The following SDK1 variants were observed in gnomAD, a reference collection of about 807,000 sequenced individuals.
SDK1 encodes the protein protein sidekick-1.
Under a neutral mutation model 245.5 loss-of-function variants are expected in SDK1, and 157 were observed. The observed-to-expected ratio is 0.64, with a 90% CI of 0.56 to 0.73. SDK1 has a LOEUF of 0.73. SDK1 is among the 30% of genes least tolerant of loss of function. The pLI, the probability that SDK1 is intolerant of heterozygous loss-of-function variation, is 0.00. For synonymous variants in SDK1, 1,647 were observed against 1,278.5 expected, an observed-to-expected ratio of 1.29 and a Z score of -6.15; for missense variants, 3,583 against 3,002.3, an observed-to-expected ratio of 1.19 and a Z score of -4.52.
At chr7:3,606,885 C>G (rs998383929) in intron 1 of SDK1, among the ~76,000 whole-genome samples, 2 of 151,706 alleles carry the variant, frequency 1.3e-5, no homozygotes, top group Non-Finnish European at 2.9e-5. Context: ...AATAACACAA[C>G]TTATGAAAAA....
chr7:3,556,418 GTGC>G (rs1276015671), intron 1 of SDK1, among the ~76,000 whole-genome samples: 2 of 152,088 alleles, frequency 1.3e-5, no homozygotes, highest in Non-Finnish European at 2.9e-5. Flanking sequence ...GTTGGTGGGG[GTGC>G]AGCAAGTAGG....
Position 3,376,772 on chromosome 7 carries a change from C to G in SDK1, c.298+74888C>G, listed in dbSNP as rs907579173. Among the ~76,000 whole-genome samples, 17 of 152,120 alleles carry G rather than the reference C, an allele frequency of 1.1e-4. 1 individual carries two copies. Among genetic ancestry groups the G allele is most frequent in the Non-Finnish European group, 1.5e-5 (1 of 68,024 alleles). ...GTAAATTTATGCTAAGGTAATCGGA[C>G]ACACACAGAAAGATGTGTATACTGT... On this transcript the variant is annotated intron_variant, in intron 1 of 44. Coordinates refer to ENST00000404826, the MANE Select transcript of SDK1 (RefSeq NM_152744.4).
intron 44 of SDK1, among the ~76,000 whole-genome samples, chr7:4,264,199 T>C: frequency 1.7e-5 from 1 of 60,178 alleles, no homozygotes; most frequent in Non-Finnish European, 3.3e-5. Flanking sequence ...CGTAGACCTC[T>C]CCTGAGTGGG....
Position 4,119,102 on chromosome 7 carries a change from TA to T in SDK1, c.3823+4837del, listed in dbSNP as rs538690613. Among the ~76,000 whole-genome samples the T allele has an allele frequency of 2.3e-4, 34 of 146,698 alleles. 3 individuals carry two copies. The highest frequency in any genetic ancestry group is 3.3e-4 in the Non-Finnish European group (22 of 65,864). ...TATTAATAATCTCACAATAAGGCTTTAAAAAAAAAGCTCAGCCTTCCTGAGA... is the reference window on the plus strand; with the variant it reads ...TATTAATAATCTCACAATAAGGCTTTAAAAAAAAGCTCAGCCTTCCTGAGA... On this transcript the variant is annotated intron_variant, in intron 25 of 44. Coordinates refer to ENST00000404826, the MANE Select transcript of SDK1 (RefSeq NM_152744.4).
At chr7:3,452,966 C>T (rs956485599) in intron 1 of SDK1, among the ~76,000 whole-genome samples, 2 of 152,146 alleles carry the variant, frequency 1.3e-5, no homozygotes, top group Non-Finnish European at 2.9e-5. Flanking sequence ...CTGATTCATC[C>T]TTGAGAAAAC....
chr7:4,266,830 C>T lies in SDK1; in HGVS notation c.*1446C>T, dbSNP rs1032043139. The T allele has an allele frequency of 4.5e-5, 44 of 985,550 alleles. No individual in the cohort carries two copies. The highest frequency in any genetic ancestry group is 5.2e-5 in the Non-Finnish European group (43 of 830,046). 61.1% of individuals were successfully genotyped at this position (985,550 alleles called of 1,614,324 possible). ...GTAAGTGCCCCCTCACCAGCAGCAG[C>T]GTGACACACACAAGACTCAAGACCA... On this transcript the variant is annotated 3_prime_UTR_variant, in exon 45 of 45. Coordinates refer to ENST00000404826, the MANE Select transcript of SDK1 (RefSeq NM_152744.4).
At chr7:3,849,005 T>C (rs1780351679) in intron 5 of SDK1, among the ~76,000 whole-genome samples, 1 of 152,200 alleles carries the variant, frequency 6.6e-6, no homozygotes, top group South Asian at 2.1e-4. Context: ...ACTTCTCTTC[T>C]TCCGGACCCC....
At chr7:4,250,260 T>A (rs944025659) in intron 44 of SDK1, among the ~76,000 whole-genome samples, 1 of 152,252 alleles carries the variant, frequency 6.6e-6, no homozygotes, top group Non-Finnish European at 1.5e-5. Context: ...TCACATTGTT[T>A]GTTTTAAAAT....
At chr7:4,181,259 A>C (rs1175546096) in intron 35 of SDK1, among the ~76,000 whole-genome samples, 1 of 152,222 alleles carries the variant, frequency 6.6e-6, no homozygotes, top group African/African-American at 2.4e-5. Flanking sequence ...ACCGGGTTGT[A>C]GCAGATGTCG....
At chr7:4,198,254 T>A (rs1783694244) in intron 35 of SDK1, among the ~76,000 whole-genome samples, 1 of 152,102 alleles carries the variant, frequency 6.6e-6, no homozygotes, top group Non-Finnish European at 1.5e-5. Context: ...CACACCCCCC[T>A]CATTTGCCCC....
At chr7:4,074,212 G>A (rs1220577357) in intron 20 of SDK1, among the ~76,000 whole-genome samples, 8 of 152,124 alleles carry the variant, frequency 5.3e-5, no homozygotes, top group Admixed American at 5.2e-4. Flanking sequence ...AAACTTCTTT[G>A]GTTGGGGTGG....
chr7:3,606,619 C>A (rs1583219698), intron 1 of SDK1, among the ~76,000 whole-genome samples: 1 of 152,120 alleles, frequency 6.6e-6, no homozygotes, highest in South Asian at 2.1e-4. Flanking sequence ...ACTTGCTTTT[C>A]CTGCTGTCAG....
At chr7:3,992,849 A>G (rs1215937706) in intron 14 of SDK1, among the ~76,000 whole-genome samples, 1 of 152,212 alleles carries the variant, frequency 6.6e-6, no homozygotes, top group Non-Finnish European at 1.5e-5. Flanking sequence ...CACTTTGAGT[A>G]ATGCAAATTT....
At chr7:4,242,745 T>G (rs1786607803) in intron 43 of SDK1, among the ~76,000 whole-genome samples, 1 of 152,186 alleles carries the variant, frequency 6.6e-6, no homozygotes, top group Non-Finnish European at 1.5e-5. Context: ...TCACACATCA[T>G]CCAGACCCAG....
intron 1 of SDK1, among the ~76,000 whole-genome samples, chr7:3,451,521 T>G (rs1780513954): frequency 6.6e-6 from 1 of 151,458 alleles, no homozygotes; most frequent in South Asian, 2.1e-4. Flanking sequence ...TGCATCAATG[T>G]GATCAAAATG....
intron 1 of SDK1, among the ~76,000 whole-genome samples, chr7:3,336,912 C>A (rs1247825308): frequency 1.3e-5 from 2 of 152,192 alleles, no homozygotes; most frequent in Admixed American, 1.3e-4. Flanking sequence ...AATGTGCATA[C>A]CCACTCATCC....
intron 4 of SDK1, among the ~76,000 whole-genome samples, chr7:3,686,968 T>C (rs184656142): frequency 6.6e-6 from 1 of 151,486 alleles, no homozygotes; most frequent in Admixed American, 6.6e-5. Context: ...GTGGTTGGGA[T>C]GGGAACTTCA....
At chr7:4,139,975 A>T (rs893714182) in intron 28 of SDK1, among the ~76,000 whole-genome samples, 2 of 152,088 alleles carry the variant, frequency 1.3e-5, no homozygotes, top group African/African-American at 2.4e-5. Flanking sequence ...CTGTTCTCCC[A>T]TGAGCCTATT....
intron 1 of SDK1, among the ~76,000 whole-genome samples, chr7:3,419,625 C>A (rs11973741): frequency 0.11 from 16,656 of 152,136 alleles, 1,227 homozygotes; most frequent in African/African-American, 0.2. Flanking sequence ...GGTCAGGTAT[C>A]CTAGTCATCT....
Sources: allele counts gnomAD v4.1 joint callset (sites outside exome capture counted in the v4.1 genomes callset), GRCh38; gene constraint gnomAD v4.1.1; transcripts MANE v1.5; gene names NCBI Gene and HGNC (gene_info 2026-07-23, HGNC 2026-07-21).